Variants in CCDC43 observed in about 807,000 individuals in gnomAD.
The protein encoded by CCDC43 is coiled-coil domain containing 43, also known as coiled-coil domain-containing protein 43.
A neutral mutation model predicts 33.3 loss-of-function variants in CCDC43; 20 were observed. The observed-to-expected ratio is 0.60, with a 90% CI of 0.42 to 0.87. The LOEUF is 0.87. Among genes scored for constraint, CCDC43 ranks in the 40% least tolerant of loss-of-function variants. The probability of loss-of-function intolerance (pLI) is 0.00; values close to 1 mark genes in which losing one functional copy is unlikely to be tolerated. For synonymous variants in CCDC43, 104 were observed against 106.5 expected (o/e 0.98, Z 0.14); for missense variants, 248 against 269.9 (o/e 0.92, Z 0.57).
chr17:44,689,505 T>A (rs1460898765), intron 1 of CCDC43, 45 bp downstream of exon 1: 1 of 1,612,450 alleles, frequency 6.2e-7, no homozygotes, highest in African/African-American at 1.3e-5. Context: ...TGACAGGTCC[T>A]CAGATGCTGG....
chr17:44,689,164 T>A, intron 1 of CCDC43: 1 of 228,978 alleles, frequency 4.4e-6, no homozygotes, highest in Admixed American at 5.2e-5. Flanking sequence ...GGCACAGACC[T>A]CCCAAGAGCA....
intron 4 of CCDC43, among the ~76,000 whole-genome samples, chr17:44,680,302 A>G (rs756446588): frequency 6.6e-6 from 1 of 151,888 alleles, no homozygotes; most frequent in East Asian, 1.9e-4. Context: ...TATTATTTTA[A>G]TTTTCTCCCT....
rs1394496093 is a variant in CCDC43, at chr17:44,678,399, A to G, written c.*457T>C. The G allele has an allele frequency of 6.6e-6, 1 of 152,542 alleles. No homozygotes were observed. Among genetic ancestry groups the G allele is most frequent in the East Asian group, 1.9e-4 (1 of 5,204 alleles). The allele number at this position is 152,542 out of a possible 1,614,324, so 9.4% of individuals were successfully genotyped here. On this transcript the variant is annotated 3_prime_UTR_variant, in exon 5 of 5. Transcript: ENST00000315286. ...AATCTGGATCCAGGTAGGCCTCTTC[A>G]TTAGCTTTCTATTTCAGCCATAAAA...
chr17:44,680,227 A>T (rs1972139401), intron 4 of CCDC43, among the ~76,000 whole-genome samples: 1 of 152,092 alleles, frequency 6.6e-6, no homozygotes, highest in South Asian at 2.1e-4. Flanking sequence ...GGCTCAAACG[A>T]TCCACCTGTC....
rs1276633921 is a variant in CCDC43, at chr17:44,677,521, G to C, written c.*1335C>G. 1 of 151,696 alleles carries C rather than the reference G, an allele frequency of 6.6e-6. No individual in the cohort carries two copies. The highest frequency in any genetic ancestry group is 1.5e-5 in the Non-Finnish European group (1 of 67,944). 9.4% of individuals were successfully genotyped at this position (151,696 alleles called of 1,614,324 possible). On this transcript the variant is annotated 3_prime_UTR_variant, in exon 5 of 5. Transcript: ENST00000315286. ...CACAGTTATAGGAGTGTATGAAGAGGTAACATGTCTCCTTTTCCTTAACCA... is the reference window on the plus strand; with the variant it reads ...CACAGTTATAGGAGTGTATGAAGAGCTAACATGTCTCCTTTTCCTTAACCA...
At chr17:44,684,040 G>A (rs1288510060) in intron 1 of CCDC43, 81 bp from the exon 2 acceptor site, 1 of 856,524 alleles carries the variant, frequency 1.2e-6, no homozygotes, top group African/African-American at 1.7e-5. Flanking sequence ...TATGAAGAAA[G>A]CACAGCTCTC....
intron 1 of CCDC43, among the ~76,000 whole-genome samples, 192 bp from the exon 2 acceptor site, chr17:44,684,151 C>T (rs1367972356): frequency 6.6e-6 from 1 of 152,078 alleles, no homozygotes; most frequent in African/African-American, 2.4e-5. Context: ...GTCCCAGAAC[C>T]CACACCTCCT....
intron 4 of CCDC43, among the ~76,000 whole-genome samples, chr17:44,679,991 T>G (rs924203526): frequency 5.3e-5 from 8 of 152,168 alleles, no homozygotes; most frequent in African/African-American, 1.7e-4. Flanking sequence ...TTTTATTATT[T>G]TTTGAGACAC....
intron 1 of CCDC43, among the ~76,000 whole-genome samples, chr17:44,684,436 G>A (rs575753305): frequency 4.6e-5 from 7 of 151,910 alleles, no homozygotes; most frequent in Non-Finnish European, 8.8e-5. Flanking sequence ...AGTGGCTTAC[G>A]CCTGTAATCC....
At chr17:44,685,597 C>T (rs527959169) in intron 1 of CCDC43, among the ~76,000 whole-genome samples, 1 of 152,314 alleles carries the variant, frequency 6.6e-6, no homozygotes, top group African/African-American at 2.4e-5. Context: ...GCCTACCCTA[C>T]TTGTCAAAGA....
chr17:44,686,179 C>T (rs1972233005), intron 1 of CCDC43, among the ~76,000 whole-genome samples: 1 of 152,154 alleles, frequency 6.6e-6, no homozygotes, highest in South Asian at 2.1e-4. Context: ...TCCCAAAGTG[C>T]TGGGATTACA....
chr17:44,689,381 G>C, intron 1 of CCDC43, 169 bp downstream of exon 1: 2 of 946,618 alleles, frequency 2.1e-6, no homozygotes, highest in Non-Finnish European at 3.1e-6. Context: ...TCCCACACCT[G>C]GTTGGGGAGC....
intron 4 of CCDC43, 127 bp from the exon 5 acceptor site, chr17:44,679,170 T>TA (rs908574295): frequency 9.4e-5 from 53 of 566,110 alleles, no homozygotes; most frequent in East Asian, 2.9e-4. Context: ...CCTGGTTTTT[T>TA]AAAAAAAACC....
At chr17:44,682,526 G>A (rs1404292562) in intron 2 of CCDC43, among the ~76,000 whole-genome samples, 4 of 152,036 alleles carry the variant, frequency 2.6e-5, no homozygotes, top group Admixed American at 6.6e-5. Flanking sequence ...AGCTGGTCCT[G>A]TTTATGTTTC....
At chr17:44,683,306 TCA>T (rs1972189291) in intron 2 of CCDC43, among the ~76,000 whole-genome samples, 1 of 152,074 alleles carries the variant, frequency 6.6e-6, no homozygotes, top group Admixed American at 6.6e-5. Context: ...GGTGGGCAGA[TCA>T]CATGAGGTCA....
intron 1 of CCDC43, among the ~76,000 whole-genome samples, chr17:44,685,591 A>C (rs1206380345): frequency 6.6e-6 from 1 of 152,202 alleles, no homozygotes; most frequent in Non-Finnish European, 1.5e-5. Flanking sequence ...ATAAATGCCT[A>C]CCCTACTTGT....
Position 44,678,912 on chromosome 17 carries a change from G to C in CCDC43, c.619C>G (p.Gln207Glu). The change falls in exon 5 of 5, where the codon CAG becomes GAG. Residue 207 changes from glutamine to glutamate, a missense_variant. Physicochemically the swap from Gln to Glu is conservative, Grantham distance 29 (BLOSUM62 2). Coordinates refer to ENST00000315286, the MANE Select transcript of CCDC43 (RefSeq NM_144609.3). ...TTTTTTTCCTTTTCCTTGCGCTCCT[G>C]CTTGGCTAGTTTGTCTCTCTCCCTC... ...LQRERDKLAK[Q>E]ERKEKEKKRT... is the part of the protein sequence containing the mutation. 6.2e-7 allele frequency: 1 copy of C among 1,613,252 alleles called. No individual in the cohort carries two copies.
Position 44,679,027 on chromosome 17 carries a change from G to A in CCDC43, c.504C>T (p.Thr168=). The change falls in exon 5 of 5, where the codon ACC becomes ACT. Residue 168 remains threonine, a synonymous_variant. Transcript: ENST00000315286. ...GGGCATTAAGGACATCTTCCACATT[G>A]GTGTTTCGGAACAGAACTACAGGTG... The part of the protein sequence containing the change: ...IGSDKLLFRN[T]NVEDVLNARK... 1 of 1,613,522 alleles carries A rather than the reference G, an allele frequency of 6.2e-7. No homozygotes were observed. The highest frequency in any genetic ancestry group is 8.5e-7 in the Non-Finnish European group (1 of 1,179,770).
Position 44,678,744 on chromosome 17 carries a change from T to C in CCDC43, c.*112A>G, listed in dbSNP as rs556626202. ...ATTTTCCTTTTGACCATGTAAACAA[T>C]AGGGGAAATGCCTTGGGAAACTACT... On this transcript the variant is annotated 3_prime_UTR_variant, in exon 5 of 5. Coordinates refer to ENST00000315286, the MANE Select transcript of CCDC43 (RefSeq NM_144609.3). 8.3e-5 allele frequency: 90 copies of C among 1,082,358 alleles called. No individual in the cohort carries two copies. The highest frequency in any genetic ancestry group is 1.0e-4 in the Non-Finnish European group (80 of 764,876). The allele number at this position is 1,082,358 out of a possible 1,614,324, so 67.0% of individuals were successfully genotyped here. A position where few individuals can be genotyped will look rare whatever the true frequency, so the allele number is the denominator to read the frequency against.
Sources: gnomAD v4.1 joint callset for allele counts (sites outside exome capture counted in the v4.1 genomes callset) on GRCh38, gnomAD v4.1.1 for gene constraint, MANE v1.5 for transcripts, NCBI Gene and HGNC (gene_info 2026-07-23, HGNC 2026-07-21) for gene names.